SLC44A5: variants seen among roughly 807,000 people sequenced by gnomAD.
SLC44A5 encodes choline transporter-like protein 5.
A neutral mutation model predicts 101.8 loss-of-function variants in SLC44A5; 57 were observed. That is an observed-to-expected ratio of 0.56 (90% CI 0.45 to 0.70). The LOEUF is 0.70. Among genes scored for constraint, SLC44A5 ranks in the 30% least tolerant of loss-of-function variants. The pLI is 0.00. For synonymous variants in SLC44A5, 281 were observed against 290.9 expected (o/e 0.97, Z 0.35); for missense variants, 737 against 853.1 (o/e 0.86, Z 1.70).
At chr1:75,573,329 G>C (rs1381905041) in intron 1 of SLC44A5, among the ~76,000 whole-genome samples, 2 of 151,782 alleles carry the variant, frequency 1.3e-5, no homozygotes, top group Non-Finnish European at 2.9e-5. Context: ...GTGTGACAGA[G>C]GGAGACTCCA....
At chr1:75,487,444 C>G (rs974193301) in intron 2 of SLC44A5, among the ~76,000 whole-genome samples, 1 of 152,172 alleles carries the variant, frequency 6.6e-6, no homozygotes, top group Non-Finnish European at 1.5e-5. Flanking sequence ...TTGGCACTTT[C>G]AAACAATTAC....
chr1:75,634,560 G>C, the SLC44A5 span, among the ~76,000 whole-genome samples: 149 of 151,340 alleles, frequency 9.8e-4, no homozygotes, highest in African/African-American at 3.4e-3. Flanking sequence ...CAAGCAATGG[G>C]GAAAGGATTC....
intron 1 of SLC44A5, among the ~76,000 whole-genome samples, chr1:75,548,577 T>C (rs1345917223): frequency 6.6e-6 from 1 of 152,116 alleles, no homozygotes; most frequent in East Asian, 1.9e-4. Flanking sequence ...AGAAATGCCA[T>C]TCTGTCTAAA....
At chr1:75,629,124 G>A in the SLC44A5 span, among the ~76,000 whole-genome samples, 2 of 152,124 alleles carry the variant, frequency 1.3e-5, no homozygotes, top group Non-Finnish European at 2.9e-5. Flanking sequence ...TAGGACAAGA[G>A]TCTCTAAGGG....
chr1:75,239,625 C>G (rs539611459), intron 9 of SLC44A5, among the ~76,000 whole-genome samples: 2 of 152,134 alleles, frequency 1.3e-5, no homozygotes, highest in Admixed American at 1.3e-4. Context: ...TACTGCTCTT[C>G]CCTTCCTTTC....
intron 1 of SLC44A5, among the ~76,000 whole-genome samples, chr1:75,557,665 C>T (rs6670304): frequency 0.38 from 57,936 of 151,860 alleles, 11,602 homozygotes; most frequent in Non-Finnish European, 0.46. Flanking sequence ...ATTTTCAAAC[C>T]ACTGGCTATT....
chr1:75,223,472 A>T (rs1647131896), intron 13 of SLC44A5, among the ~76,000 whole-genome samples: 1 of 152,238 alleles, frequency 6.6e-6, no homozygotes, highest in Non-Finnish European at 1.5e-5. Flanking sequence ...AATGTTTAAT[A>T]ATTTTAAGAT....
chr1:75,444,558 A>T (rs1012452463), intron 2 of SLC44A5, among the ~76,000 whole-genome samples: 8 of 151,218 alleles, frequency 5.3e-5, no homozygotes, highest in African/African-American at 1.9e-4. Context: ...ATAAGGAAAA[A>T]TTTTATTGTT....
intron 5 of SLC44A5, 105 bp from the exon 6 acceptor site, chr1:75,275,147 T>A: frequency 1.4e-6 from 1 of 724,612 alleles, no homozygotes; most frequent in Non-Finnish European, 2.4e-6. Flanking sequence ...ACCTCTCCCC[T>A]CAGTCACAGA....
At chr1:75,647,308 C>G in the SLC44A5 span, among the ~76,000 whole-genome samples, 10 of 152,216 alleles carry the variant, frequency 6.6e-5, no homozygotes, top group Non-Finnish European at 1.3e-4. Context: ...GAACCTCCAC[C>G]TAAATTTCAG....
At chr1:75,477,839 T>C (rs1240623783) in intron 2 of SLC44A5, among the ~76,000 whole-genome samples, 3 of 152,006 alleles carry the variant, frequency 2.0e-5, no homozygotes, top group African/African-American at 7.3e-5. Flanking sequence ...CAGGATATTA[T>C]CCAGGAGAAC....
At chr1:75,356,601 T>G (rs1391069882) in intron 3 of SLC44A5, among the ~76,000 whole-genome samples, 1 of 152,114 alleles carries the variant, frequency 6.6e-6, no homozygotes, top group East Asian at 1.9e-4. Flanking sequence ...TATACATTTT[T>G]AATAAATTTA....
intron 1 of SLC44A5, among the ~76,000 whole-genome samples, chr1:75,596,998 C>T (rs922157912): frequency 2.0e-5 from 3 of 151,966 alleles, no homozygotes; most frequent in Admixed American, 1.3e-4. Flanking sequence ...CCAGCCTGGG[C>T]AACATGGCAA....
intron 1 of SLC44A5, among the ~76,000 whole-genome samples, chr1:75,609,007 T>C (rs574537611): frequency 5.9e-5 from 9 of 152,126 alleles, no homozygotes; most frequent in Admixed American, 1.3e-4. Flanking sequence ...GAAGAATTCA[T>C]TTTGTTCCCT....
chr1:75,625,986 T>C, the SLC44A5 span, among the ~76,000 whole-genome samples: 3 of 152,166 alleles, frequency 2.0e-5, no homozygotes, highest in Non-Finnish European at 4.4e-5. Context: ...CATATAGTTA[T>C]CTGCTGAGTT....
At chr1:75,600,520 T>C (rs1476454953) in intron 1 of SLC44A5, among the ~76,000 whole-genome samples, 2 of 152,170 alleles carry the variant, frequency 1.3e-5, no homozygotes, top group Non-Finnish European at 2.9e-5. Flanking sequence ...TATTTATTTA[T>C]TTATTAATCT....
chr1:75,558,108 T>C (rs1217668704), intron 1 of SLC44A5, among the ~76,000 whole-genome samples: 1 of 152,136 alleles, frequency 6.6e-6, no homozygotes, highest in Non-Finnish European at 1.5e-5. Flanking sequence ...TTTATGTAAT[T>C]GGCACAACAA....
chr1:75,643,672 G>T, the SLC44A5 span, among the ~76,000 whole-genome samples: 1 of 152,214 alleles, frequency 6.6e-6, no homozygotes, highest in South Asian at 2.1e-4. Flanking sequence ...AGTCTCACAA[G>T]ATCCCATTGT....
At chr1:75,230,279 G>A (rs748763047) in intron 12 of SLC44A5, among the ~76,000 whole-genome samples, 61 of 150,122 alleles carry the variant, frequency 4.1e-4, no homozygotes, top group Admixed American at 1.0e-3. Context: ...ACAGAGTCTC[G>A]CTCTGTCACC....
Sources: gnomAD v4.1 joint callset for allele counts (sites outside exome capture counted in the v4.1 genomes callset) on GRCh38, gnomAD v4.1.1 for gene constraint, MANE v1.5 for transcripts, NCBI Gene and HGNC (gene_info 2026-07-23, HGNC 2026-07-21) for gene names.